The following RTF1 variants were observed in gnomAD, a reference collection of about 807,000 sequenced individuals.
The protein encoded by RTF1 is RTF1 homolog, Paf1/RNA polymerase II complex component, also known as RNA polymerase-associated protein RTF1 homolog.
RTF1 carries 10 observed loss-of-function variants against 95.7 expected under a neutral mutation model. That is an observed-to-expected ratio of 0.10 (90% CI 0.06 to 0.18). RTF1 has a LOEUF of 0.18. Ranked by LOEUF, RTF1 falls within the 10% of genes least tolerant of loss-of-function variation. RTF1 has a pLI of 1.00. For missense variants in RTF1, 458 were observed against 875.6 expected, an observed-to-expected ratio of 0.52 and a Z score of 6.02; for synonymous variants, 305 against 311.8, an observed-to-expected ratio of 0.98 and a Z score of 0.23.
intron 8 of RTF1, among the ~76,000 whole-genome samples, chr15:41,472,820 G>C (rs180732329): frequency 6.4e-4 from 97 of 151,638 alleles, no homozygotes; most frequent in Middle Eastern, 3.4e-3. Flanking sequence ...TCCTGTCTCA[G>C]CCTCCCCAGT....
rs954170472 is a variant in RTF1 at position 41,478,373 on chromosome 15, C to T, written c.1741-175C>T. On this transcript the variant is annotated intron_variant, in intron 14 of 17. Transcript: ENST00000389629. ...CTGAGATTGCGTCACTGCACTTCAGCCTAGGCGACAGGGCGAGACTCCATC... is the reference window on the plus strand; with the variant it reads ...CTGAGATTGCGTCACTGCACTTCAGTCTAGGCGACAGGGCGAGACTCCATC... The T allele has an allele frequency of 3.1e-5, 18 of 589,956 alleles. No individual in the cohort carries two copies. The African/African-American group carries it at 3.3e-4, about 11-fold the overall frequency. The allele number at this position is 589,956 out of a possible 1,614,324, so 36.5% of individuals were successfully genotyped here.
At chr15:41,465,033 G>A in intron 5 of RTF1, 148 bp downstream of exon 5, 1 of 1,293,680 alleles carries the variant, frequency 7.7e-7, no homozygotes, top group Middle Eastern at 3.0e-4. Flanking sequence ...ATTAATCTCT[G>A]GACATATCAC....
intron 11 of RTF1, 137 bp downstream of exon 11, chr15:41,475,956 ATTAT>A: frequency 1.7e-6 from 1 of 591,964 alleles, no homozygotes; most frequent in Middle Eastern, 4.6e-4. Context: ...TTACTACCTG[ATTAT>A]TTATAGTTCA....
chr15:41,426,060 A>G (rs1386032326), intron 1 of RTF1, among the ~76,000 whole-genome samples: 1 of 151,814 alleles, frequency 6.6e-6, no homozygotes, highest in Non-Finnish European at 1.5e-5. Flanking sequence ...AGGTGGGAGG[A>G]TTGCTTGAGC....
chr15:41,474,435 G>C (rs1324031526), intron 8 of RTF1, among the ~76,000 whole-genome samples, 185 bp from the exon 9 acceptor site: 1 of 152,182 alleles, frequency 6.6e-6, no homozygotes, highest in Non-Finnish European at 1.5e-5. Context: ...TGGGCACAAG[G>C]CTCCCTGTGC....
At chr15:41,430,131 G>A (rs1471978077) in intron 1 of RTF1, among the ~76,000 whole-genome samples, 5 of 144,280 alleles carry the variant, frequency 3.5e-5, no homozygotes, top group East Asian at 2.0e-4. Context: ...CCTCAGCTTC[G>A]TGAGTAGCTG....
chr15:41,467,647 G>A (rs1312603680), intron 6 of RTF1, among the ~76,000 whole-genome samples: 1 of 152,028 alleles, frequency 6.6e-6, no homozygotes, highest in Non-Finnish European at 1.5e-5. Flanking sequence ...CCCGGGAGAC[G>A]GAGGTTGCAG....
rs2050956992 is a variant in RTF1, at chr15:41,479,094, C to T, written c.1819-9C>T. 1 of 1,601,434 alleles carries T rather than the reference C, an allele frequency of 6.2e-7. No individual in the cohort carries two copies. The highest frequency in any genetic ancestry group is 8.6e-7 in the Non-Finnish European group (1 of 1,168,868). ...AGCAATCTCTAAAACAACTTATTTT[C>T]TCTCTCAGTCCAGAGACCCAGCTGT... is the stretch of plus-strand genomic sequence containing the variant. On this transcript the variant is annotated splice_polypyrimidine_tract_variant and intron_variant, in intron 15 of 17. Transcript: ENST00000389629.
intron 1 of RTF1, among the ~76,000 whole-genome samples, chr15:41,428,262 T>C (rs1349622824): frequency 1.3e-5 from 1 of 75,436 alleles, no homozygotes; most frequent in Non-Finnish European, 3.1e-5. Context: ...TATCCCTTTT[T>C]TTTTTTTTTT....
chr15:41,461,194 C>G (rs760496049), intron 4 of RTF1, among the ~76,000 whole-genome samples: 20 of 152,082 alleles, frequency 1.3e-4, no homozygotes, highest in South Asian at 2.1e-4. Flanking sequence ...AGGCGCCCAC[C>G]ACCACGCCCA....
chr15:41,467,254 G>A lies in RTF1; in HGVS notation c.889+1002G>A, dbSNP rs550619438. Among the ~76,000 whole-genome samples the A allele has an allele frequency of 1.1e-3, 162 of 152,108 alleles. 1 individual carries two copies. Among genetic ancestry groups the A allele is most frequent in the Non-Finnish European group, 1.1e-3 (77 of 67,982 alleles). The stretch of plus-strand genomic sequence containing the variant: ...CTTCCTCCCTGGGCCAGTAAACCCC[G>A]AGCACTTTTATATGGTGATGACAGA... On this transcript the variant is annotated intron_variant, in intron 6 of 17. Transcript: ENST00000389629.
chr15:41,456,721 T>C (rs1595434571), intron 3 of RTF1, among the ~76,000 whole-genome samples: 1 of 147,444 alleles, frequency 6.8e-6, no homozygotes, highest in Non-Finnish European at 1.5e-5. Context: ...ACCGGGGAGG[T>C]GGAGATGGCA....
intron 7 of RTF1, among the ~76,000 whole-genome samples, chr15:41,470,658 T>C (rs1468348219): frequency 3.8e-5 from 5 of 130,768 alleles, no homozygotes; most frequent in African/African-American, 6.0e-5. Flanking sequence ...TTCTTTTTTT[T>C]TTTTTTTTTT....
At chr15:41,435,362 T>C (rs2050696598) in intron 1 of RTF1, among the ~76,000 whole-genome samples, 1 of 151,762 alleles carries the variant, frequency 6.6e-6, no homozygotes, top group Non-Finnish European at 1.5e-5. Context: ...TACCTCAAGT[T>C]TGGGTTTTTT....
rs2050965406 is a variant in RTF1, at chr15:41,480,304, G to A, written c.2005G>A (p.Asp669Asn). Residue 669 changes from aspartate (D) to asparagine (N), a missense_variant, in exon 17 of 18, where the codon GAC becomes AAC. Coordinates refer to ENST00000389629, the MANE Select transcript of RTF1 (RefSeq NM_015138.5). Reference sequence around the variant, plus strand: ...AGTACACGATTTTGATGTGAAGATTGACTTACAAGTTCCCAGCTCAGGTAT... The same window carrying A: ...AGTACACGATTTTGATGTGAAGATTAACTTACAAGTTCCCAGCTCAGGTAT... The part of the protein sequence containing the change: ...FKVHDFDVKI[D>N]LQVPSSESKA... 2 of 1,612,872 alleles carry A rather than the reference G, an allele frequency of 1.2e-6. No individual in the cohort carries two copies. The highest frequency in any genetic ancestry group is 1.7e-6 in the Non-Finnish European group (2 of 1,178,920).
intron 2 of RTF1, among the ~76,000 whole-genome samples, chr15:41,439,144 G>C (rs1333379848): frequency 6.7e-6 from 1 of 150,154 alleles, no homozygotes; most frequent in African/African-American, 2.5e-5. Flanking sequence ...CCATTCTCCT[G>C]CCTCAGCCTA....
At chr15:41,433,035 C>T (rs998283979) in intron 1 of RTF1, among the ~76,000 whole-genome samples, 30 of 151,962 alleles carry the variant, frequency 2.0e-4, no homozygotes. Flanking sequence ...GGCAGATCAT[C>T]AGGAGTTCGA....
chr15:41,432,438 C>A (rs1202988352), intron 1 of RTF1, among the ~76,000 whole-genome samples: 1 of 151,418 alleles, frequency 6.6e-6, no homozygotes, highest in Non-Finnish European at 1.5e-5. Flanking sequence ...ACCTCGTGAT[C>A]CACCCACCTC....
intron 13 of RTF1, 79 bp from the exon 14 acceptor site, chr15:41,477,379 T>C: frequency 1.2e-6 from 2 of 1,611,792 alleles, no homozygotes; most frequent in East Asian, 2.2e-5. Context: ...ACTGACCCCA[T>C]AGATATCTGA....
Sources: allele counts gnomAD v4.1 joint callset (sites outside exome capture counted in the v4.1 genomes callset), GRCh38; gene constraint gnomAD v4.1.1; transcripts MANE v1.5; gene names NCBI Gene and HGNC (gene_info 2026-07-23, HGNC 2026-07-21).